Variants in PPP2R5E observed in about 807,000 individuals in gnomAD.
The protein encoded by PPP2R5E is protein phosphatase 2 regulatory subunit B'epsilon.
A neutral mutation model predicts 65.3 loss-of-function variants in PPP2R5E; 4 were observed. The ratio of observed to expected loss-of-function variants is 0.06; its 90% confidence interval spans 0.03 to 0.14. The LOEUF (loss-of-function observed/expected upper bound fraction) is 0.14. PPP2R5E is among the 10% of genes least tolerant of loss of function. The pLI, the probability that PPP2R5E is intolerant of heterozygous loss-of-function variation, is 1.00. For synonymous variants in PPP2R5E, 183 were observed against 187.4 expected (o/e 0.98, Z 0.19); for missense variants, 274 against 556.1 (o/e 0.49, Z 5.10).
intron 2 of PPP2R5E, among the ~76,000 whole-genome samples, chr14:63,490,904 A>C (rs1431529593): frequency 2.0e-5 from 3 of 152,104 alleles, no homozygotes; most frequent in African/African-American, 7.2e-5. Flanking sequence ...AAGAAAAATA[A>C]ATGGTTGTTC....
At chr14:63,538,233 G>C (rs1005533888) in intron 2 of PPP2R5E, among the ~76,000 whole-genome samples, 1 of 151,418 alleles carries the variant, frequency 6.6e-6, no homozygotes, top group Non-Finnish European at 1.5e-5. Flanking sequence ...AGGAAATAGA[G>C]GCCACAGTGA....
At chr14:63,467,690 C>T (rs1393794305) in intron 2 of PPP2R5E, among the ~76,000 whole-genome samples, 3 of 152,172 alleles carry the variant, frequency 2.0e-5, no homozygotes, top group South Asian at 2.1e-4. Context: ...CAAATGAATT[C>T]GATTTCTTTC....
intron 11 of PPP2R5E, among the ~76,000 whole-genome samples, chr14:63,388,430 C>G (rs1451123490): frequency 6.6e-6 from 1 of 152,126 alleles, no homozygotes; most frequent in African/African-American, 2.4e-5. Flanking sequence ...TGAGCCACTG[C>G]GCCCAGCCGA....
intron 11 of PPP2R5E, among the ~76,000 whole-genome samples, chr14:63,389,131 ATT>A (rs34751867): frequency 0.18 from 25,469 of 142,310 alleles, 3,268 homozygotes; most frequent in East Asian, 0.49. Flanking sequence ...TCCAAGCCTC[ATT>A]TTTTTTTTTT....
intron 2 of PPP2R5E, among the ~76,000 whole-genome samples, chr14:63,532,224 G>A (rs1351273628): frequency 6.6e-6 from 1 of 152,072 alleles, no homozygotes; most frequent in African/African-American, 2.4e-5. Context: ...GTTGCTTCTG[G>A]GAAGGGAAAC....
intron 3 of PPP2R5E, among the ~76,000 whole-genome samples, chr14:63,432,471 A>G (rs780432789): frequency 2.6e-5 from 4 of 152,214 alleles, no homozygotes; most frequent in Non-Finnish European, 4.4e-5. Flanking sequence ...AAGAATAGAG[A>G]AACAATAGAA....
chr14:63,375,699 G>A lies in PPP2R5E; in HGVS notation c.*310C>T, dbSNP rs184307511. ...TGCTAGTGATAAATAAGGAACTCCC[G>A]ATAATGGAATTTTAACATAGCAATT... On this transcript the variant is annotated 3_prime_UTR_variant, in exon 14 of 14. Coordinates refer to ENST00000337537, the MANE Select transcript of PPP2R5E (RefSeq NM_006246.5). The A allele has an allele frequency of 8.0e-4, 154 of 191,668 alleles. No homozygotes were observed. The highest frequency in any genetic ancestry group is 3.5e-3 in the African/African-American group (150 of 43,040). The allele number at this position is 191,668 out of a possible 1,614,324, so 11.9% of individuals were successfully genotyped here. A position where few individuals can be genotyped will look rare whatever the true frequency, so the allele number is the denominator to read the frequency against.
At chr14:63,456,558 C>T (rs1288746485) in intron 2 of PPP2R5E, among the ~76,000 whole-genome samples, 18 of 152,166 alleles carry the variant, frequency 1.2e-4, no homozygotes. Flanking sequence ...CTCCTTTAAT[C>T]CCTTCAATGG....
intron 3 of PPP2R5E, among the ~76,000 whole-genome samples, chr14:63,450,764 T>C (rs1422486722): frequency 2.8e-5 from 4 of 142,778 alleles, no homozygotes; most frequent in South Asian, 2.2e-4. Flanking sequence ...CAGATAAATA[T>C]GTGAAAAGAC....
At position 63,416,549 on chromosome 14, in the gene PPP2R5E, T is replaced by C. The variant is rs111630244; in HGVS notation, c.457-1317A>G. ...TGCTAACTTTTTGGTCTCACTCCTT[T>C]ACACTTAAAAATTAACAAGGACCCC... On this transcript the variant is annotated intron_variant, in intron 4 of 13. Transcript: ENST00000337537. Among the ~76,000 whole-genome samples the C allele has an allele frequency of 7.5e-4, 114 of 152,146 alleles. 5 individuals are homozygous for C. Among genetic ancestry groups the C allele is most frequent in the African/African-American group, 2.7e-3 (113 of 41,526 alleles).
At chr14:63,476,196 C>A (rs576262679) in intron 2 of PPP2R5E, among the ~76,000 whole-genome samples, 2 of 152,140 alleles carry the variant, frequency 1.3e-5, no homozygotes, top group Non-Finnish European at 2.9e-5. Flanking sequence ...CTGTATAATG[C>A]TCGAGTTTTT....
At chr14:63,485,576 G>A (rs1175763937) in intron 2 of PPP2R5E, among the ~76,000 whole-genome samples, 5 of 151,158 alleles carry the variant, frequency 3.3e-5, no homozygotes, top group Non-Finnish European at 7.4e-5. Flanking sequence ...CACCACGTCC[G>A]GCTAATTTTG....
At chr14:63,521,989 A>G (rs1328177541) in intron 2 of PPP2R5E, among the ~76,000 whole-genome samples, 5 of 114,912 alleles carry the variant, frequency 4.4e-5, no homozygotes, top group African/African-American at 1.4e-4. Context: ...TCCCTCTGAT[A>G]CCGAGCCGAA....
chr14:63,384,970 C>T (rs1226854975), intron 11 of PPP2R5E, among the ~76,000 whole-genome samples: 5 of 151,486 alleles, frequency 3.3e-5, no homozygotes, highest in Admixed American at 3.3e-4. Flanking sequence ...GTTGGGATTA[C>T]AGGCGTGAAC....
chr14:63,484,160 T>C (rs1447614269), intron 2 of PPP2R5E, among the ~76,000 whole-genome samples: 1 of 150,138 alleles, frequency 6.7e-6, no homozygotes, highest in East Asian at 2.0e-4. Flanking sequence ...ACAACAGAGA[T>C]GATGGGGCCA....
chr14:63,518,484 T>TCCTC (rs1318853136), intron 2 of PPP2R5E, among the ~76,000 whole-genome samples: 1 of 152,144 alleles, frequency 6.6e-6, no homozygotes, highest in East Asian at 1.9e-4. Context: ...CCTCAAGAGA[T>TCCTC]CCTCCCGTCT....
At chr14:63,433,039 T>TTGTTTGTTTG (rs1180500248) in intron 3 of PPP2R5E, among the ~76,000 whole-genome samples, 1 of 139,908 alleles carries the variant, frequency 7.1e-6, no homozygotes, top group Admixed American at 7.0e-5. Context: ...TTTGTTTTTT[T>TTGTTTGTTTG]TTTTTTTTTT....
intron 5 of PPP2R5E, among the ~76,000 whole-genome samples, chr14:63,407,892 C>T (rs1179800296): frequency 6.6e-6 from 1 of 152,220 alleles, no homozygotes; most frequent in Non-Finnish European, 1.5e-5. Flanking sequence ...TAAGATGACA[C>T]TCGTTAGATG....
At chr14:63,378,517 A>G (rs958259464) in intron 13 of PPP2R5E, among the ~76,000 whole-genome samples, 36 of 152,184 alleles carry the variant, frequency 2.4e-4, no homozygotes, top group African/African-American at 8.2e-4. Context: ...TATGGCACTC[A>G]ATGCAATTTA....
Sources: allele counts gnomAD v4.1 joint callset (sites outside exome capture counted in the v4.1 genomes callset), GRCh38; gene constraint gnomAD v4.1.1; transcripts MANE v1.5; gene names NCBI Gene and HGNC (gene_info 2026-07-23, HGNC 2026-07-21).